Variants in CECR2 observed in about 807,000 individuals in gnomAD.
CECR2 encodes CECR2 histone acetyl-lysine reader, also known as chromatin remodeling regulator CECR2.
Under a neutral mutation model 154.5 loss-of-function variants are expected in CECR2, and 30 were observed. The ratio of observed to expected loss-of-function variants is 0.19; its 90% confidence interval spans 0.15 to 0.26. CECR2 has a LOEUF of 0.26. Among genes scored for constraint, CECR2 ranks in the 10% least tolerant of loss-of-function variants. The pLI is 1.00. For missense variants in CECR2, 1,743 were observed against 1,829.3 expected, an observed-to-expected ratio of 0.95 and a Z score of 0.86; for synonymous variants, 725 against 683.7, an observed-to-expected ratio of 1.06 and a Z score of -0.94.
intron 1 of CECR2, among the ~76,000 whole-genome samples, chr22:17,460,903 C>T (rs1490689324): frequency 6.6e-6 from 1 of 152,192 alleles, no homozygotes; most frequent in Non-Finnish European, 1.5e-5. Context: ...TTCTAGGTCT[C>T]TTCTGGGGTT....
chr22:17,464,926 T>C (rs1182462311), intron 1 of CECR2, among the ~76,000 whole-genome samples: 1 of 152,212 alleles, frequency 6.6e-6, no homozygotes, highest in African/African-American at 2.4e-5. Flanking sequence ...CAATTTCTAA[T>C]TCACTTGACA....
At chr22:17,506,528 G>A (rs1296754) in intron 7 of CECR2, among the ~76,000 whole-genome samples, 112,225 of 152,194 alleles carry the variant, frequency 0.74, 41,619 homozygotes, top group African/African-American at 0.82. Context: ...GCCTTTTGTC[G>A]CTTAACATGT....
chr22:17,415,408 A>G (rs2054142647), intron 1 of CECR2, among the ~76,000 whole-genome samples: 1 of 151,976 alleles, frequency 6.6e-6, no homozygotes, highest in Admixed American at 6.6e-5. Flanking sequence ...TGCCTGGCTA[A>G]TTTTTGTATT....
chr22:17,477,716 C>G (rs572187785), intron 2 of CECR2, 34 bp downstream of exon 2: 1 of 1,466,546 alleles, frequency 6.8e-7, no homozygotes, highest in Non-Finnish European at 9.6e-7. Context: ...GCATTTCTTG[C>G]GCCAAGAACT....
chr22:17,525,312 A>G lies in CECR2; in HGVS notation c.1108+1041A>G, dbSNP rs868274316. ...AAAAAAAAAAAAAAAAAAAAAAAAAAAAAGAAAGGAAGGGAGGGAGGGAAA... is the reference window on the plus strand; with the variant it reads ...AAAAAAAAAAAAAAAAAAAAAAAAAGAAAGAAAGGAAGGGAGGGAGGGAAA... On this transcript the variant is annotated intron_variant, in intron 9 of 18. Coordinates refer to ENST00000262608, the MANE Select transcript of CECR2 (RefSeq NM_001290047.2). 2.1e-3 allele frequency among the ~76,000 whole-genome samples: 311 copies of G among 145,572 alleles called. 1 individual carries two copies. Among genetic ancestry groups the G allele is most frequent in the African/African-American group, 7.4e-3 (291 of 39,460 alleles).
At chr22:17,521,223 G>T (rs1182895530) in intron 8 of CECR2, among the ~76,000 whole-genome samples, 1 of 152,100 alleles carries the variant, frequency 6.6e-6, no homozygotes, top group Non-Finnish European at 1.5e-5. Flanking sequence ...GTGTCTTTTG[G>T]CTGCATAAAT....
At chr22:17,367,000 C>T (rs1266623257), upstream of CECR2, among the ~76,000 whole-genome samples, 1 of 152,070 alleles carries the variant, frequency 6.6e-6, no homozygotes. Context: ...TGCTGGGCCA[C>T]AGAACAGAGA....
intron 3 of CECR2, 60 bp from the exon 4 acceptor site, chr22:17,499,350 T>C (rs2146878146): frequency 6.4e-7 from 1 of 1,567,432 alleles, no homozygotes; most frequent in East Asian, 2.3e-5. Context: ...CTCGTTCTGG[T>C]TTTTTCCTGG....
At position 17,398,860 on chromosome 22, in the gene CECR2, T is replaced by C. The variant is rs369528479; in HGVS notation, c.126+28951T>C. 4.9e-4 allele frequency among the ~76,000 whole-genome samples: 74 copies of C among 152,322 alleles called. 2 individuals carry two copies. In the East Asian group the frequency reaches 0.011, roughly 23 times the overall value. On this transcript the variant is annotated intron_variant, in intron 1 of 18. Coordinates refer to ENST00000262608, the MANE Select transcript of CECR2 (RefSeq NM_001290047.2). Reference sequence around the variant, plus strand: ...ACAAAACAATATTTTTATGAGATAATTGAGGCTCAGGGAGGCTTAGTATAG... The same window carrying C: ...ACAAAACAATATTTTTATGAGATAACTGAGGCTCAGGGAGGCTTAGTATAG...
At position 17,552,926 on chromosome 22, in the gene CECR2, A is replaced by C; in HGVS notation, c.*86A>C. On this transcript the variant is annotated 3_prime_UTR_variant, in exon 19 of 19. Transcript: ENST00000262608. ...AACTGGGGAGTGCCCTGTCAGCTCT[A>C]TTCCCATCACCTGCTCCACCCCTTC... 1 of 1,528,136 alleles carries C rather than the reference A, an allele frequency of 6.5e-7. No individual in the cohort carries two copies. The highest frequency in any genetic ancestry group is 8.8e-7 in the Non-Finnish European group (1 of 1,140,126). 94.7% of individuals were successfully genotyped at this position (1,528,136 alleles called of 1,614,324 possible).
intron 1 of CECR2, among the ~76,000 whole-genome samples, chr22:17,378,495 A>G (rs1480543706): frequency 6.6e-6 from 1 of 151,562 alleles, no homozygotes; most frequent in African/African-American, 2.4e-5. Context: ...ACGGGGTTTC[A>G]CCGTGTTAGC....
intron 6 of CECR2, 127 bp downstream of exon 6, chr22:17,503,258 T>A: frequency 5.2e-6 from 4 of 775,430 alleles, no homozygotes; most frequent in Non-Finnish European, 8.4e-6. Context: ...CTACCCCCTG[T>A]ACTCTTCTTC....
chr22:17,490,508 C>T (rs1398114248), intron 2 of CECR2, among the ~76,000 whole-genome samples: 1 of 152,096 alleles, frequency 6.6e-6, no homozygotes, highest in African/African-American at 2.4e-5. Context: ...GATCTCAGCT[C>T]ACTGCAACCT....
intron 5 of CECR2, among the ~76,000 whole-genome samples, chr22:17,501,140 G>A (rs1329941996): frequency 6.6e-6 from 1 of 152,156 alleles, no homozygotes; most frequent in Admixed American, 6.5e-5. Flanking sequence ...CCTATGCTGT[G>A]TAAATACACT....
At chr22:17,393,655 C>G (rs2053764032) in intron 1 of CECR2, among the ~76,000 whole-genome samples, 1 of 152,154 alleles carries the variant, frequency 6.6e-6, no homozygotes. Flanking sequence ...TTCTCCACAT[C>G]CTTGCCAACA....
intron 4 of CECR2, 114 bp from the exon 5 acceptor site, chr22:17,500,517 C>T: frequency 1.4e-6 from 1 of 738,488 alleles, no homozygotes; most frequent in South Asian, 2.2e-5. Context: ...CTTTTCCTTT[C>T]ACTGCTACAT....
At chr22:17,531,592 T>C (rs1176325587) in intron 9 of CECR2, among the ~76,000 whole-genome samples, 1 of 152,210 alleles carries the variant, frequency 6.6e-6, no homozygotes, top group East Asian at 1.9e-4. Flanking sequence ...AGGTCCTGTA[T>C]GTGTTCACTG....
intron 1 of CECR2, among the ~76,000 whole-genome samples, chr22:17,445,955 T>C (rs2054655300): frequency 6.6e-6 from 1 of 152,178 alleles, no homozygotes; most frequent in African/African-American, 2.4e-5. Flanking sequence ...TGTTACACCA[T>C]GTTGGTTTTT....
intron 3 of CECR2, among the ~76,000 whole-genome samples, chr22:17,497,907 A>G (rs2055660317): frequency 6.6e-6 from 1 of 152,166 alleles, no homozygotes; most frequent in African/African-American, 2.4e-5. Flanking sequence ...ACCTGCAACT[A>G]AATCCGCCAC....
Sources: allele counts gnomAD v4.1 joint callset (sites outside exome capture counted in the v4.1 genomes callset), GRCh38; gene constraint gnomAD v4.1.1; transcripts MANE v1.5; gene names NCBI Gene and HGNC (gene_info 2026-07-23, HGNC 2026-07-21).